Variants in MED4 observed in about 807,000 individuals in gnomAD.
MED4 encodes the protein mediator complex subunit 4.
Under a neutral mutation model 35.0 loss-of-function variants are expected in MED4, and 21 were observed. That is an observed-to-expected ratio of 0.60 (90% CI 0.43 to 0.86). The LOEUF is 0.86. Ranked by LOEUF, MED4 falls within the 40% of genes least tolerant of loss-of-function variation. The pLI is 0.00. For synonymous variants in MED4, 138 were observed against 114.0 expected (o/e 1.21, Z -1.34); for missense variants, 300 against 319.4 (o/e 0.94, Z 0.46).
chr13:48,078,223 T>C (rs78694121), intron 6 of MED4, among the ~76,000 whole-genome samples: 5,357 of 152,286 alleles, frequency 0.035, 212 homozygotes, highest in East Asian at 0.097. Context: ...AGAGTTATGG[T>C]ATTAACTAGA....
At chr13:48,090,294 T>G (rs1269766910) in intron 2 of MED4, 58 bp downstream of exon 2, 1 of 1,364,498 alleles carries the variant, frequency 7.3e-7, no homozygotes, top group Non-Finnish European at 1.0e-6. Flanking sequence ...AAATCAAGTT[T>G]TTTTCTTTTA....
At chr13:48,079,037 T>C (rs1472665412) in intron 6 of MED4, among the ~76,000 whole-genome samples, 1 of 152,034 alleles carries the variant, frequency 6.6e-6, no homozygotes, top group Non-Finnish European at 1.5e-5. Flanking sequence ...ACCTACAAAC[T>C]ATAAAAGATG....
chr13:48,080,399 A>C (rs1237970973), intron 5 of MED4, among the ~76,000 whole-genome samples: 2 of 149,224 alleles, frequency 1.3e-5, no homozygotes, highest in African/African-American at 2.5e-5. Flanking sequence ...CCTGTCTCAA[A>C]AAAAAAAAAA....
chr13:48,080,029 AAT>A (rs1950793344), intron 5 of MED4, 54 bp from the exon 6 acceptor site: 3 of 1,576,716 alleles, frequency 1.9e-6, no homozygotes, highest in Non-Finnish European at 1.7e-6. Context: ...AATAAGTGTT[AAT>A]ATGTTATTTG....
At chr13:48,085,054 G>A (rs750125689) in intron 3 of MED4, among the ~76,000 whole-genome samples, 1 of 151,698 alleles carries the variant, frequency 6.6e-6, no homozygotes, top group Non-Finnish European at 1.5e-5. Context: ...ATTTTTAGTA[G>A]AGATGGATTT....
intron 2 of MED4, among the ~76,000 whole-genome samples, chr13:48,087,402 C>G (rs73481217): frequency 0.035 from 5,365 of 151,830 alleles, 215 homozygotes; most frequent in East Asian, 0.098. Flanking sequence ...GAAAGTTCTC[C>G]CAAAATTTGG....
At position 48,077,199 on chromosome 13, in the gene MED4, A is replaced by G. The variant is rs750874115; in HGVS notation, c.753T>C (p.Asn251=). The G allele has an allele frequency of 3.4e-5, 55 of 1,608,960 alleles. No individual in the cohort carries two copies. The highest frequency in any genetic ancestry group is 4.7e-5 in the Non-Finnish European group (55 of 1,178,450). ...TTGACATAATCTCTACATCATCTTC[A>G]TTTTCTTTATTATGCCCAGGAGGTT... The part of the protein sequence containing the change: ...LLEPPGHNKE[N]EDDVEIMSTD... The change falls in exon 7 of 7, where the codon AAT becomes AAC. Residue 251 remains asparagine (N), a synonymous_variant. Coordinates refer to ENST00000258648, the MANE Select transcript of MED4 (RefSeq NM_014166.4).
intron 2 of MED4, among the ~76,000 whole-genome samples, chr13:48,088,021 G>C (rs935731798): frequency 1.3e-5 from 2 of 152,204 alleles, no homozygotes; most frequent in Admixed American, 1.3e-4. Flanking sequence ...CAGCCTCTCT[G>C]AGCCTGTGTT....
At chr13:48,089,681 T>C (rs1323345045) in intron 2 of MED4, among the ~76,000 whole-genome samples, 1 of 152,182 alleles carries the variant, frequency 6.6e-6, no homozygotes, top group Non-Finnish European at 1.5e-5. Flanking sequence ...GTCCAGCAGG[T>C]TGAGGCTGCA....
intron 3 of MED4, among the ~76,000 whole-genome samples, chr13:48,085,502 T>C (rs541012573): frequency 1.5e-4 from 23 of 152,320 alleles, no homozygotes; most frequent in Non-Finnish European, 2.5e-4. Flanking sequence ...GATTTTAATA[T>C]ATTTTTAAAA....
chr13:48,091,709 T>C (rs1950891533), intron 1 of MED4, among the ~76,000 whole-genome samples: 2 of 152,182 alleles, frequency 1.3e-5, no homozygotes, highest in Non-Finnish European at 2.9e-5. Flanking sequence ...AAGTGAACAA[T>C]GGCACTTAAA....
intron 2 of MED4, among the ~76,000 whole-genome samples, chr13:48,086,997 G>T (rs201301488): frequency 6.6e-6 from 1 of 151,476 alleles, no homozygotes; most frequent in East Asian, 1.9e-4. Flanking sequence ...AGTGAGCCAA[G>T]ATCACGCCAC....
intron 1 of MED4, 50 bp downstream of exon 1, chr13:48,094,904 G>A (rs770962248): frequency 1.3e-6 from 2 of 1,588,040 alleles, no homozygotes; most frequent in Non-Finnish European, 1.7e-6. Context: ...CGGCTCCGGG[G>A]TCAGTCCCCC....
Position 48,090,347 on chromosome 13 carries a change from C to T in MED4, c.192+5G>A, listed in dbSNP as rs747652628. On this transcript the variant is annotated splice_donor_5th_base_variant and intron_variant, in intron 2 of 6. Transcript: ENST00000258648. ...AATTAACTAATTTAAAAAGAAGCCA[C>T]TTACCTGGTTTTCCTCTCCAGCCTG... 1 of 1,570,516 alleles carries T rather than the reference C, an allele frequency of 6.4e-7. No homozygotes were observed. The highest frequency in any genetic ancestry group is 2.3e-5 in the East Asian group (1 of 44,086).
rs1475766203 is a variant in MED4 at position 48,079,897 on chromosome 13, T to C, written c.587A>G (p.Asn196Ser). Residue 196 changes from asparagine (N) to serine (S), a missense_variant, in exon 6 of 7, where the codon AAT (asparagine) becomes AGT (serine). By Grantham distance (46) the Asn-to-Ser change is conservative. Coordinates refer to ENST00000258648, the MANE Select transcript of MED4 (RefSeq NM_014166.4). ...LLGQMNNPST[N>S]GVNGHLPGDA... ...TCCTGGTAAATGGCCATTCACGCCATTAGTGGAAGGATTGTTCATCTGACC... is the reference window on the plus strand; with the variant it reads ...TCCTGGTAAATGGCCATTCACGCCACTAGTGGAAGGATTGTTCATCTGACC... 1 of 1,613,962 alleles carries C rather than the reference T, an allele frequency of 6.2e-7. No individual in the cohort carries two copies. Among genetic ancestry groups the C allele is most frequent in the South Asian group, 1.1e-5 (1 of 91,072 alleles).
chr13:48,089,990 G>A (rs770264220), intron 2 of MED4, among the ~76,000 whole-genome samples: 1 of 152,014 alleles, frequency 6.6e-6, no homozygotes, highest in Non-Finnish European at 1.5e-5. Flanking sequence ...TACAATACAC[G>A]GTAAGTTTTT....
intron 2 of MED4, among the ~76,000 whole-genome samples, chr13:48,087,091 C>T (rs1033890295): frequency 2.0e-5 from 3 of 151,860 alleles, no homozygotes; most frequent in Non-Finnish European, 1.5e-5. Flanking sequence ...ATAGGCCAGG[C>T]GCGGTGGCTC....
At chr13:48,078,881 T>G (rs918495050) in intron 6 of MED4, among the ~76,000 whole-genome samples, 1 of 152,190 alleles carries the variant, frequency 6.6e-6, no homozygotes, top group African/African-American at 2.4e-5. Context: ...AGCCTTATGA[T>G]GTAACATTAA....
intron 5 of MED4, among the ~76,000 whole-genome samples, chr13:48,081,434 AAC>A (rs1950807333): frequency 6.6e-6 from 1 of 152,254 alleles, no homozygotes; most frequent in Admixed American, 6.5e-5. Flanking sequence ...AGACGAAAGA[AAC>A]ACAGTCCCTA....
Sources: gnomAD v4.1 joint callset for allele counts (sites outside exome capture counted in the v4.1 genomes callset) on GRCh38, gnomAD v4.1.1 for gene constraint, MANE v1.5 for transcripts, NCBI Gene and HGNC (gene_info 2026-07-23, HGNC 2026-07-21) for gene names.